FAM227B: variants seen among roughly 807,000 people sequenced by gnomAD.
FAM227B encodes the protein protein FAM227B.
In FAM227B, 88 loss-of-function variants were observed where a neutral mutation model predicts 73.8. The observed-to-expected ratio is 1.19, with a 90% CI of 1.00 to 1.42. The LOEUF (loss-of-function observed/expected upper bound fraction) is 1.42, where lower values mean the gene tolerates loss of function less well. Among genes scored for constraint, FAM227B ranks in the 40% most tolerant of loss-of-function variants. The pLI is 0.00. For missense variants in FAM227B, 632 were observed against 590.9 expected (o/e 1.07, Z -0.72); for synonymous variants, 210 against 190.5 (o/e 1.10, Z -0.84).
At chr15:49,464,848 G>A (rs969144611) in intron 11 of FAM227B, among the ~76,000 whole-genome samples, 1 of 152,002 alleles carries the variant, frequency 6.6e-6, no homozygotes, top group Non-Finnish European at 1.5e-5. Context: ...AAACTATACA[G>A]TACAATGGAA....
intron 11 of FAM227B, chr15:49,484,743 T>C (rs955684090): frequency 5.8e-6 from 2 of 347,320 alleles, no homozygotes; most frequent in African/African-American, 4.2e-5. Context: ...TTGTAAAAAA[T>C]TGTAAAACTG....
rs1000714148 is a variant in FAM227B, at chr15:49,620,813, G to A, written c.-186C>T. The A allele has an allele frequency of 7.2e-5, 11 of 152,158 alleles. No individual in the cohort carries two copies. The highest frequency in any genetic ancestry group is 1.5e-4 in the Non-Finnish European group (10 of 68,030). The allele number at this position is 152,158 out of a possible 1,614,324, so 9.4% of individuals were successfully genotyped here. On this transcript the variant is annotated 5_prime_UTR_variant, in exon 1 of 16. Coordinates refer to ENST00000299338, the MANE Select transcript of FAM227B (RefSeq NM_152647.3). ...GCGAGGCTTGAGGCGGGTCCCGGAC[G>A]AACGCGGCCCTGCCCCTCGCCGGAG... is the stretch of plus-strand genomic sequence containing the variant.
At chr15:49,587,352 G>A (rs946587364) in intron 5 of FAM227B, among the ~76,000 whole-genome samples, 6 of 152,102 alleles carry the variant, frequency 3.9e-5, no homozygotes, top group African/African-American at 1.4e-4. Context: ...CAGGAGGAGG[G>A]AGAAAATCAG....
At chr15:49,577,765 T>C in intron 5 of FAM227B, 101 bp from the exon 6 acceptor site, 3 of 614,678 alleles carry the variant, frequency 4.9e-6, no homozygotes, top group Middle Eastern at 9.2e-4. Context: ...TAACTATAGA[T>C]ATATGTATAT....
chr15:49,360,709 C>T (rs1316567740), intron 13 of FAM227B, among the ~76,000 whole-genome samples: 1 of 152,094 alleles, frequency 6.6e-6, no homozygotes, highest in Non-Finnish European at 1.5e-5. Context: ...ATTCAAATAT[C>T]AAGTGACCAA....
At chr15:49,407,726 G>C (rs1243269367) in intron 11 of FAM227B, among the ~76,000 whole-genome samples, 4 of 149,916 alleles carry the variant, frequency 2.7e-5, no homozygotes, top group Non-Finnish European at 5.9e-5. Context: ...TTTATATGCT[G>C]TAATTTTCAC....
At chr15:49,615,967 A>G (rs2078264230) in intron 1 of FAM227B, among the ~76,000 whole-genome samples, 1 of 152,124 alleles carries the variant, frequency 6.6e-6, no homozygotes, top group South Asian at 2.1e-4. Context: ...AAATGCCTCT[A>G]TTTTTTTCTA....
chr15:49,529,681 T>A (rs143012114), intron 10 of FAM227B, among the ~76,000 whole-genome samples: 1 of 151,706 alleles, frequency 6.6e-6, no homozygotes, highest in Non-Finnish European at 1.5e-5. Flanking sequence ...CAGACATTGA[T>A]AGAGTCAAGA....
chr15:49,347,328 A>G (rs764266178), intron 13 of FAM227B, among the ~76,000 whole-genome samples: 5 of 152,242 alleles, frequency 3.3e-5, no homozygotes, highest in Non-Finnish European at 4.4e-5. Context: ...CAGAAGAACT[A>G]TAAAATTTAG....
At chr15:49,396,198 C>G (rs1196547032) in intron 11 of FAM227B, 3 of 349,042 alleles carry the variant, frequency 8.6e-6, no homozygotes, top group Non-Finnish European at 1.7e-5. Context: ...CGCAAGGGGT[C>G]AGGGAGTTCC....
chr15:49,426,796 T>C (rs2050169961), intron 11 of FAM227B, among the ~76,000 whole-genome samples: 1 of 151,932 alleles, frequency 6.6e-6, no homozygotes, highest in Admixed American at 6.6e-5. Flanking sequence ...AAAGACAAGA[T>C]ACACATCATG....
chr15:49,335,619 G>A, intron 13 of FAM227B, 123 bp from the exon 14 acceptor site: 2 of 604,844 alleles, frequency 3.3e-6, no homozygotes, highest in Non-Finnish European at 5.9e-6. Context: ...AGAGTCTCAA[G>A]TATAAACATG....
At chr15:49,604,778 T>G (rs531846508) in intron 3 of FAM227B, among the ~76,000 whole-genome samples, 3 of 135,856 alleles carry the variant, frequency 2.2e-5, no homozygotes, top group Non-Finnish European at 2.9e-5. Context: ...TTTCAAATGA[T>G]CTGTTTTTGA....
At chr15:49,487,287 T>G (rs2056475476) in intron 11 of FAM227B, 1 of 151,564 alleles carries the variant, frequency 6.6e-6, no homozygotes, top group Non-Finnish European at 1.5e-5. Flanking sequence ...AAATGTTCTT[T>G]GAAAGATAAA....
chr15:49,564,533 G>T (rs1183385628), intron 9 of FAM227B, among the ~76,000 whole-genome samples: 11 of 152,114 alleles, frequency 7.2e-5, no homozygotes, highest in Admixed American at 7.2e-4. Flanking sequence ...AAAGACACAT[G>T]TACTTGTATG....
At position 49,372,086 on chromosome 15, in the gene FAM227B, ATTTATAAATAAATGAAATAAAATT is replaced by A. The variant is rs1567172593; in HGVS notation, c.1013-711_1013-688del. ...CTTATAAATCAATGAAATAAAATTC[ATTTATAAATAAATGAAATAAAATT>A]CATTTATAAATAAATGAAATAAAAT... On this transcript the variant is annotated intron_variant, in intron 11 of 15. Transcript: ENST00000299338. Among the ~76,000 whole-genome samples the A allele has an allele frequency of 1.8e-3, 156 of 88,120 alleles. 13 individuals are homozygous for A. Among genetic ancestry groups the A allele is most frequent in the African/African-American group, 4.3e-3 (99 of 22,924 alleles). The allele number at this position is 88,120 out of a possible 152,430, so 57.8% of individuals were successfully genotyped here.
rs79728151 is a variant in FAM227B at position 49,604,859 on chromosome 15, C to T, written c.105+6356G>A. ...TTTCTATGGAATTTTTTGGTTTAATCATTATGTTCTTCAGCTCCCAGAATT... is the reference window on the plus strand; with the variant it reads ...TTTCTATGGAATTTTTTGGTTTAATTATTATGTTCTTCAGCTCCCAGAATT... On this transcript the variant is annotated intron_variant, in intron 3 of 15. Transcript: ENST00000299338. Among the ~76,000 whole-genome samples, 8 of 151,972 alleles carry T rather than the reference C, an allele frequency of 5.3e-5. No individual in the cohort carries two copies. The East Asian group carries it at 1.4e-3, about 26-fold the overall frequency.
chr15:49,403,809 T>A (rs2048337437), intron 11 of FAM227B, among the ~76,000 whole-genome samples: 1 of 152,030 alleles, frequency 6.6e-6, no homozygotes, highest in Non-Finnish European at 1.5e-5. Context: ...AGCTTTGGGG[T>A]TGGTTTTCTC....
At chr15:49,407,220 T>C (rs1267515462) in intron 11 of FAM227B, among the ~76,000 whole-genome samples, 4 of 152,194 alleles carry the variant, frequency 2.6e-5, no homozygotes, top group Non-Finnish European at 5.9e-5. Flanking sequence ...CAGCTCTCCC[T>C]GTCAACTTGA....
Sources: allele counts gnomAD v4.1 joint callset (sites outside exome capture counted in the v4.1 genomes callset), GRCh38; gene constraint gnomAD v4.1.1; transcripts MANE v1.5; gene names NCBI Gene and HGNC (gene_info 2026-07-23, HGNC 2026-07-21).